FSCN2: variants seen among roughly 807,000 people sequenced by gnomAD.
FSCN2 encodes fascin-2.
In FSCN2, 46 loss-of-function variants were observed where a neutral mutation model predicts 37.8. The observed-to-expected ratio is 1.22, with a 90% CI of 0.96 to 1.56. FSCN2 has a LOEUF of 1.56. FSCN2 is among the 40% of genes most tolerant of loss of function. The pLI is 0.00. For missense variants in FSCN2, 844 were observed against 730.4 expected (o/e 1.16, Z -1.79); for synonymous variants, 351 against 309.4 (o/e 1.13, Z -1.41).
intron 1 of FSCN2, among the ~76,000 whole-genome samples, chr17:81,532,398 ATGATAG>A (rs2032707801): frequency 7.6e-6 from 1 of 131,136 alleles, no homozygotes; most frequent in Non-Finnish European, 1.6e-5. Context: ...GATGATGGTG[ATGATAG>A]TGATGGTGAT....
At position 81,536,648 on chromosome 17, in the gene FSCN2, C is replaced by T; in HGVS notation, c.1132C>T (p.Leu378Phe). ...CAAGGACGAAGAGTTCACCCTCAAG[C>T]TCATCAACCGGCCCATCCTGGTGCT... Reference protein sequence around the residue: ...VGKDEEFTLKLINRPILVLRG... With the variant: ...VGKDEEFTLKFINRPILVLRG... The change falls in exon 4 of 5, where the codon CTC becomes TTC. Residue 378 changes from leucine to phenylalanine, a missense_variant. By Grantham distance (22) the Leu-to-Phe change is conservative. Coordinates refer to ENST00000417245, the MANE Select transcript of FSCN2 (RefSeq NM_012418.4). 6.2e-7 allele frequency: 1 copy of T among 1,610,868 alleles called. No individual in the cohort carries two copies.
chr17:81,528,432 T>C lies in FSCN2; in HGVS notation c.-100T>C. Reference sequence around the variant, plus strand: ...TGACGCCGGCTGGGTCTGGGGGCTGTGGGCCAGCCGAGCCGACCCGGGCTT... The same window carrying C: ...TGACGCCGGCTGGGTCTGGGGGCTGCGGGCCAGCCGAGCCGACCCGGGCTT... On this transcript the variant is annotated 5_prime_UTR_variant, in exon 1 of 5. Transcript: ENST00000417245. 1.2e-6 allele frequency: 1 copy of C among 868,592 alleles called. No individual in the cohort carries two copies. Among genetic ancestry groups the C allele is most frequent in the Non-Finnish European group, 1.8e-6 (1 of 560,778 alleles). The allele number at this position is 868,592 out of a possible 1,614,324, so 53.8% of individuals were successfully genotyped here.
At chr17:81,531,683 GGTGA>G (rs2032619722) in intron 1 of FSCN2, among the ~76,000 whole-genome samples, 1 of 143,598 alleles carries the variant, frequency 7.0e-6, no homozygotes, top group African/African-American at 2.8e-5. Flanking sequence ...TGATGATGAT[GGTGA>G]TGATGGTGAT....
chr17:81,530,106 G>C (rs781889094), intron 1 of FSCN2: 22 of 268,744 alleles, frequency 8.2e-5, no homozygotes, highest in Non-Finnish European at 1.5e-4. Context: ...CACCGTGCCC[G>C]GCTGCATTTT....
the FSCN2 span, chr17:81,519,233 C>T: frequency 3.3e-5 from 5 of 152,312 alleles, no homozygotes; most frequent in African/African-American, 4.8e-5. Context: ...GGCCCGCGCT[C>T]CTGCGCCCCC....
chr17:81,533,921 C>A (rs898720159), intron 1 of FSCN2, among the ~76,000 whole-genome samples: 1 of 152,188 alleles, frequency 6.6e-6, no homozygotes, highest in Admixed American at 6.5e-5. Flanking sequence ...GACGGCGTTC[C>A]CACACCTCTC....
intron 3 of FSCN2, 164 bp downstream of exon 3, chr17:81,536,431 G>A (rs1268665754): frequency 8.9e-6 from 13 of 1,461,964 alleles, no homozygotes; most frequent in South Asian, 1.3e-5. Context: ...GTCTTGGCAA[G>A]GGAAACAGGT....
rs1314475048 is a variant in FSCN2, at chr17:81,528,560, T to C, written c.29T>C (p.Leu10Pro). Residue 10 changes from leucine (L) to proline (P), a missense_variant, in exon 1 of 5, where the codon CTG becomes CCG. Transcript: ENST00000417245. MPTNGLHQV[L>P]KIQFGLVNDT... ...CCGACGAACGGCCTGCACCAGGTGC[T>C]GAAGATCCAGTTTGGCCTCGTCAAC... 1.2e-6 allele frequency: 2 copies of C among 1,605,178 alleles called. No homozygotes were observed. Among genetic ancestry groups the C allele is most frequent in the African/African-American group, 1.3e-5 (1 of 74,882 alleles).
In FSCN2 at chr17:81,529,105, C is replaced by T. The variant is rs377025075; in HGVS notation, c.574C>T (p.Arg192Cys). Residue 192 changes from arginine (R) to cysteine (C), a missense_variant, in exon 1 of 5, where the codon CGC (arginine) becomes TGC (cysteine). Transcript: ENST00000417245. ...GTACTGCCTCAAGTCCTGTGACAGC[C>T]GCTACCTGCGCAGCGACGGCCGTCT... ...RRYCLKSCDS[R>C]YLRSDGRLVW... 259 of 1,586,570 alleles carry T rather than the reference C, an allele frequency of 1.6e-4. No homozygotes were observed. The highest frequency in any genetic ancestry group is 1.9e-4 in the Non-Finnish European group (217 of 1,168,386).
chr17:81,531,726 G>GTGATGATGGTGA (rs1555671369), intron 1 of FSCN2, among the ~76,000 whole-genome samples: 7 of 109,328 alleles, frequency 6.4e-5, no homozygotes, highest in East Asian at 7.3e-4. Context: ...GGTGGTGATG[G>GTGATGATGGTGA]TGATGGTGAT....
At chr17:81,534,803 C>T (rs1208604778) in intron 1 of FSCN2, among the ~76,000 whole-genome samples, 4 of 151,616 alleles carry the variant, frequency 2.6e-5, no homozygotes, top group African/African-American at 9.7e-5. Flanking sequence ...AGCAGAAGGG[C>T]CTGGCTCCTG....
the FSCN2 span, among the ~76,000 whole-genome samples, chr17:81,521,827 A>G: frequency 5.1e-4 from 77 of 152,322 alleles, no homozygotes; most frequent in Admixed American, 3.6e-3. Context: ...GTTTTCTTCT[A>G]TAACCACAGA....
At chr17:81,530,615 C>T in intron 1 of FSCN2, 1 of 514,954 alleles carries the variant, frequency 1.9e-6, no homozygotes, top group South Asian at 1.4e-5. Flanking sequence ...GCAAGGAGAG[C>T]TCCCCTGTCT....
At position 81,528,730 on chromosome 17, in the gene FSCN2, C is replaced by T. The variant is rs1555670577; in HGVS notation, c.199C>T (p.Arg67Cys). 8.2e-6 allele frequency: 13 copies of T among 1,594,908 alleles called. No homozygotes were observed. Among genetic ancestry groups the T allele is most frequent in the East Asian group, 4.6e-5 (2 of 43,860 alleles). ...GCTGCTCCGCAGCAGCCACCTGGGC[C>T]GCTACCTGTCGGCAGAAGAGGACGG... is the stretch of plus-strand genomic sequence containing the variant. The part of the protein sequence containing the change: ...AVLLRSSHLG[R>C]YLSAEEDGRV... The change falls in exon 1 of 5, where the codon CGC (arginine) becomes TGC (cysteine). Residue 67 changes from arginine to cysteine, a missense_variant. Transcript: ENST00000417245.
At chr17:81,533,946 C>T (rs1045833491) in intron 1 of FSCN2, among the ~76,000 whole-genome samples, 8 of 152,146 alleles carry the variant, frequency 5.3e-5, no homozygotes, top group African/African-American at 1.4e-4. Context: ...GCCCCTCCTG[C>T]GGGCTCCTGC....
At chr17:81,526,121 A>G (rs1555670063), upstream of FSCN2, among the ~76,000 whole-genome samples, 1 of 152,166 alleles carries the variant, frequency 6.6e-6, no homozygotes, top group African/African-American at 2.4e-5. Context: ...CCCCCTGCTG[A>G]GCACCCGATG....
intron 1 of FSCN2, among the ~76,000 whole-genome samples, chr17:81,533,239 C>A (rs772770935): frequency 2.6e-5 from 4 of 152,324 alleles, no homozygotes; most frequent in African/African-American, 7.2e-5. Context: ...GTATCCCCCC[C>A]CATCGGCCAG....
intron 1 of FSCN2, chr17:81,530,734 G>A (rs539287742): frequency 1.8e-4 from 72 of 400,234 alleles, no homozygotes; most frequent in Non-Finnish European, 3.4e-5. Flanking sequence ...CCTGTGCATG[G>A]AGAGGGGAGC....
At chr17:81,529,467 T>C in intron 1 of FSCN2, 110 bp downstream of exon 1, 1 of 923,130 alleles carries the variant, frequency 1.1e-6, no homozygotes. Context: ...TGCGTTCACA[T>C]GTCTGTTCTG....
Sources: gnomAD v4.1 joint callset for allele counts (sites outside exome capture counted in the v4.1 genomes callset) on GRCh38, gnomAD v4.1.1 for gene constraint, MANE v1.5 for transcripts, NCBI Gene and HGNC (gene_info 2026-07-23, HGNC 2026-07-21) for gene names.